The following IGDCC4 variants were observed in gnomAD, a reference collection of about 807,000 sequenced individuals.
IGDCC4 encodes the protein immunoglobulin superfamily DCC subclass member 4.
In IGDCC4, 72 loss-of-function variants were observed where a neutral mutation model predicts 116.6. That is an observed-to-expected ratio of 0.62 (90% CI 0.51 to 0.75). The LOEUF (loss-of-function observed/expected upper bound fraction) is 0.75, where lower values mean the gene tolerates loss of function less well. Ranked by LOEUF, IGDCC4 falls within the 30% of genes least tolerant of loss-of-function variation. IGDCC4 has a pLI of 0.00. For missense variants in IGDCC4, 1,501 were observed against 1,662.4 expected (o/e 0.90, Z 1.69); for synonymous variants, 709 against 719.9 (o/e 0.98, Z 0.24).
At chr15:65,404,464 C>T (rs1227188312) in intron 3 of IGDCC4, among the ~76,000 whole-genome samples, 1 of 152,106 alleles carries the variant, frequency 6.6e-6, no homozygotes, top group Non-Finnish European at 1.5e-5. Context: ...ACAGGCCCCA[C>T]CCCCATCCAT....
At chr15:65,414,761 C>A (rs1223755491) in intron 1 of IGDCC4, among the ~76,000 whole-genome samples, 1 of 152,244 alleles carries the variant, frequency 6.6e-6, no homozygotes, top group African/African-American at 2.4e-5. Flanking sequence ...CCAGCCTCAG[C>A]CTCCTATGTA....
At position 65,385,963 on chromosome 15, in the gene IGDCC4, ATGGGCAGC is replaced by A; in HGVS notation, c.3040_3047del (p.Ala1014Ter). The A allele has an allele frequency of 8.8e-6, 13 of 1,471,852 alleles. No homozygotes were observed. Among genetic ancestry groups the A allele is most frequent in the Non-Finnish European group, 1.2e-5 (13 of 1,076,674 alleles). 91.2% of individuals were successfully genotyped at this position (1,471,852 alleles called of 1,614,324 possible). A position where few individuals can be genotyped will look rare whatever the true frequency, so the allele number is the denominator to read the frequency against. The stretch of plus-strand genomic sequence containing the variant: ...GGGGGTGCACAAGGGACTCCAATTC[ATGGGCAGC>A]TGGGGGGCTGGGGGGGCCAAGCCGA... On this transcript the variant is annotated frameshift_variant, in exon 18 of 20. Coordinates refer to ENST00000352385, the MANE Select transcript of IGDCC4 (RefSeq NM_020962.3). LOFTEE classifies it high-confidence loss of function.
intron 6 of IGDCC4, 118 bp downstream of exon 6, chr15:65,396,716 A>T (rs2062930700): frequency 7.8e-7 from 1 of 1,289,490 alleles, no homozygotes. Flanking sequence ...CTCCTCCCTG[A>T]GTTCGTCCTC....
Position 65,393,595 on chromosome 15 carries a change from T to G in IGDCC4, c.1715-64A>C. 6.7e-7 allele frequency: 1 copy of G among 1,484,522 alleles called. No individual in the cohort carries two copies. Among genetic ancestry groups the G allele is most frequent in the Non-Finnish European group, 9.1e-7 (1 of 1,098,738 alleles). The allele number at this position is 1,484,522 out of a possible 1,614,324, so 92.0% of individuals were successfully genotyped here. A position where few individuals can be genotyped will look rare whatever the true frequency, so the allele number is the denominator to read the frequency against. On this transcript the variant is annotated intron_variant, in intron 9 of 19. Coordinates refer to ENST00000352385, the MANE Select transcript of IGDCC4 (RefSeq NM_020962.3). The surrounding 1 kb of genome is among the most constrained non-coding windows in gnomAD (Gnocchi z 4.6). The stretch of plus-strand genomic sequence containing the variant: ...TGAGGAACAGGATCCTAAACCCCCC[T>G]ACATGGCTCTTCCGCCTCACATCCC...
Position 65,411,162 on chromosome 15 carries a change from C to A in IGDCC4, c.279G>T (p.Leu93=), listed in dbSNP as rs757875036. Residue 93 remains leucine (L), a synonymous_variant, in exon 2 of 20, where the codon CTG becomes CTT. Transcript: ENST00000352385. ...DHLHLLPNGS[L]WLSQPLAPNG... Reference sequence around the variant, plus strand: ...TGGGTGCTAGTGGCTGGGACAGCCACAGGGAACCATTGGGCAGCAGGTGTA... The same window carrying A: ...TGGGTGCTAGTGGCTGGGACAGCCAAAGGGAACCATTGGGCAGCAGGTGTA... 1 of 1,614,072 alleles carries A rather than the reference C, an allele frequency of 6.2e-7. No homozygotes were observed. Among genetic ancestry groups the A allele is most frequent in the Non-Finnish European group, 8.5e-7 (1 of 1,180,040 alleles).
chr15:65,391,838 C>T lies in IGDCC4; in HGVS notation c.2224+42G>A, dbSNP rs76160971. On this transcript the variant is annotated intron_variant, in intron 12 of 19. Coordinates refer to ENST00000352385, the MANE Select transcript of IGDCC4 (RefSeq NM_020962.3). ...AGAAGAGGAAGCGGCTAGCAGAGCCCTCACCTGAGCCCTCCCCGCCTTCTT... is the reference window on the plus strand; with the variant it reads ...AGAAGAGGAAGCGGCTAGCAGAGCCTTCACCTGAGCCCTCCCCGCCTTCTT... 3.0e-3 allele frequency: 4,664 copies of T among 1,568,596 alleles called. 107 individuals carry two copies. The African/African-American group carries it at 0.054, about 18-fold the overall frequency.
chr15:65,397,153 T>TC (rs2062936648), intron 5 of IGDCC4, among the ~76,000 whole-genome samples, 164 bp from the exon 6 acceptor site: 1 of 152,200 alleles, frequency 6.6e-6, no homozygotes, highest in African/African-American at 2.4e-5. Context: ...CCCGGCTGTC[T>TC]CCATCTGTAA....
rs2091491520 is a variant in IGDCC4 at position 65,389,391 on chromosome 15, A to G, written c.2429T>C (p.Ile810Thr). The G allele has an allele frequency of 6.2e-7, 1 of 1,614,210 alleles. No individual in the cohort carries two copies. The highest frequency in any genetic ancestry group is 8.5e-7 in the Non-Finnish European group (1 of 1,180,034). Residue 810 changes from isoleucine (I) to threonine (T), a missense_variant, in exon 14 of 20, where the codon ATT (isoleucine) becomes ACT (threonine). Coordinates refer to ENST00000352385, the MANE Select transcript of IGDCC4 (RefSeq NM_020962.3). The stretch of plus-strand genomic sequence containing the variant: ...TTTGGTGAATGGCTTCAAGCCGCCA[A>G]TGAGGATGTCTTCTCCAGAACTGCT... ...YYTSSGEDIL[I>T]GGLKPFTKYE...
chr15:65,383,934 G>T lies in IGDCC4; in HGVS notation c.*75C>A. The T allele has an allele frequency of 7.3e-7, 1 of 1,362,296 alleles. No homozygotes were observed. Among genetic ancestry groups the T allele is most frequent in the Non-Finnish European group, 9.9e-7 (1 of 1,012,646 alleles). 84.4% of individuals were successfully genotyped at this position (1,362,296 alleles called of 1,614,324 possible). The stretch of plus-strand genomic sequence containing the variant: ...TGATGTATCTACAGGCACACATGTG[G>T]ACATACACGGCCACAGGTATCGCAT... On this transcript the variant is annotated 3_prime_UTR_variant, in exon 20 of 20. Coordinates refer to ENST00000352385, the MANE Select transcript of IGDCC4 (RefSeq NM_020962.3).
intron 1 of IGDCC4, among the ~76,000 whole-genome samples, chr15:65,414,470 G>C (rs1195457280): frequency 6.6e-6 from 1 of 152,208 alleles, no homozygotes; most frequent in African/African-American, 2.4e-5. Context: ...GAAGATCAAG[G>C]TTTCAGTCTT....
Position 65,389,335 on chromosome 15 carries a change from C to T in IGDCC4, c.2485G>A (p.Asp829Asn). ...ACAGAGCCGAAAGGCCCATCCATGT[C>T]CACGCCGTGAGACTGCACTGCAAAC... ...YEFAVQSHGV[D>N]MDGPFGSVVE... Residue 829 changes from aspartate to asparagine, a missense_variant, in exon 14 of 20, where the codon GAC becomes AAC. Physicochemically the swap from Asp to Asn is conservative, Grantham distance 23. Coordinates refer to ENST00000352385, the MANE Select transcript of IGDCC4 (RefSeq NM_020962.3). 6.2e-7 allele frequency: 1 copy of T among 1,614,188 alleles called. No individual in the cohort carries two copies. Among genetic ancestry groups the T allele is most frequent in the East Asian group, 2.2e-5 (1 of 44,886 alleles).
intron 9 of IGDCC4, 45 bp downstream of exon 9, chr15:65,394,366 T>C (rs779692691): frequency 3.7e-6 from 6 of 1,609,544 alleles, no homozygotes; most frequent in Admixed American, 1.7e-5. Context: ...GCTCTTCACG[T>C]TGATCATTCC....
chr15:65,381,954 T>A lies in IGDCC4; in HGVS notation c.*2055A>T, dbSNP rs1286138150. On this transcript the variant is annotated 3_prime_UTR_variant, in exon 20 of 20. Transcript: ENST00000352385. ...CCACCCAACCTAATGGGTTATAAAT[T>A]GTCTCATTTGCAGCTATTTAATTTA... 6.6e-6 allele frequency: 1 copy of A among 152,622 alleles called. No individual in the cohort carries two copies. The highest frequency in any genetic ancestry group is 1.5e-5 in the Non-Finnish European group (1 of 68,044). 9.5% of individuals were successfully genotyped at this position (152,622 alleles called of 1,614,324 possible). A position where few individuals can be genotyped will look rare whatever the true frequency, so the allele number is the denominator to read the frequency against.
chr15:65,411,090 G>A lies in IGDCC4; in HGVS notation c.351C>T (p.Gly117=). 6.2e-7 allele frequency: 1 copy of A among 1,614,216 alleles called. No homozygotes were observed. Among genetic ancestry groups the A allele is most frequent in the Non-Finnish European group, 8.5e-7 (1 of 1,180,038 alleles). ...GGCCGTGGGCTAGGCACGAATAGTT[G>A]CCTTCAATGACCCCCACAGCCTCAG... The part of the protein sequence containing the change: ...SVPEAVGVIE[G]NYSCLAHGPL... The change falls in exon 2 of 20, where the codon GGC becomes GGT. Residue 117 remains glycine (G), a synonymous_variant. Coordinates refer to ENST00000352385, the MANE Select transcript of IGDCC4 (RefSeq NM_020962.3).
At chr15:65,413,023 A>AGTGT (rs1567093911) in intron 1 of IGDCC4, among the ~76,000 whole-genome samples, 3 of 105,404 alleles carry the variant, frequency 2.8e-5, no homozygotes, top group Non-Finnish European at 3.6e-5. Context: ...AGTGTGAGAA[A>AGTGT]ATGTGTGTGT....
intron 5 of IGDCC4, among the ~76,000 whole-genome samples, chr15:65,399,038 G>A (rs141153050): frequency 1.2e-4 from 19 of 152,216 alleles, no homozygotes; most frequent in African/African-American, 3.1e-4. Flanking sequence ...AGGATCCTCC[G>A]GGACAGCAAT....
At position 65,384,485 on chromosome 15, in the gene IGDCC4, C is replaced by T. The variant is rs1478222462; in HGVS notation, c.3343-66G>A. The T allele has an allele frequency of 2.7e-5, 38 of 1,427,388 alleles. No homozygotes were observed. Among genetic ancestry groups the T allele is most frequent in the East Asian group, 1.2e-4 (5 of 41,658 alleles). The allele number at this position is 1,427,388 out of a possible 1,614,324, so 88.4% of individuals were successfully genotyped here. On this transcript the variant is annotated intron_variant, in intron 19 of 19. Transcript: ENST00000352385. The surrounding 1 kb of genome is among the most constrained non-coding windows in gnomAD (Gnocchi z 4.9). ...TGAGAGTAATCATCAGAATGACCAG[C>T]GTACGTGGGGCAGAAAGTCTGACCC...
intron 18 of IGDCC4, 77 bp downstream of exon 18, chr15:65,385,754 G>C (rs921039913): frequency 1.7e-6 from 2 of 1,188,440 alleles, no homozygotes; most frequent in Non-Finnish European, 1.3e-6. Context: ...AGCCATGCTC[G>C]CATAGCCACG....
At chr15:65,387,264 T>C (rs778609354) in intron 16 of IGDCC4, among the ~76,000 whole-genome samples, 12 of 152,128 alleles carry the variant, frequency 7.9e-5, no homozygotes, top group Admixed American at 2.6e-4. Flanking sequence ...TGGCCTCAAG[T>C]GATCCTCTCA....
Sources: allele counts gnomAD v4.1 joint callset (sites outside exome capture counted in the v4.1 genomes callset), GRCh38; gene constraint gnomAD v4.1.1; non-coding constraint Gnocchi (gnomAD v3.1); transcripts MANE v1.5; gene names NCBI Gene and HGNC (gene_info 2026-07-23, HGNC 2026-07-21).